Variants in RNASEH2B observed in about 807,000 individuals in gnomAD.
The protein encoded by RNASEH2B is ribonuclease H2 subunit B.
A neutral mutation model predicts 45.0 loss-of-function variants in RNASEH2B; 36 were observed. The ratio of observed to expected loss-of-function variants is 0.80; its 90% confidence interval spans 0.61 to 1.06. The LOEUF is 1.06. Among genes scored for constraint, RNASEH2B ranks in the 50% least tolerant of loss-of-function variants. The pLI is 0.00. For synonymous variants in RNASEH2B, 119 were observed against 125.7 expected (o/e 0.95, Z 0.35); for missense variants, 361 against 360.3 (o/e 1.00, Z -0.02).
At chr13:50,914,282 T>C (rs1879603820) in intron 1 of RNASEH2B, among the ~76,000 whole-genome samples, 1 of 152,226 alleles carries the variant, frequency 6.6e-6, no homozygotes, top group African/African-American at 2.4e-5. Flanking sequence ...TTTTGTTCTT[T>C]GTCAAAACGG....
Position 50,949,501 on chromosome 13 carries a change from C to T in RNASEH2B, c.737C>T (p.Ser246Leu). The change falls in exon 9 of 11, where the codon TCA becomes TTA. Residue 246 changes from serine (S) to leucine (L), a missense_variant. Ser to Leu is a moderately radical substitution (Grantham distance 145). Coordinates refer to ENST00000336617, the MANE Select transcript of RNASEH2B (RefSeq NM_024570.4). ...TCAGCCTCATTGCCAAATCCTCCAT[C>T]AAAGGTAAGAAGCTGTGACTAAGAT... ...EPSASLPNPP[S>L]KKIKLSDEPV... The T allele has an allele frequency of 6.2e-7, 1 of 1,613,058 alleles. No individual in the cohort carries two copies. The highest frequency in any genetic ancestry group is 8.5e-7 in the Non-Finnish European group (1 of 1,179,200).
At chr13:50,938,099 T>C (rs1436735056) in intron 5 of RNASEH2B, 1 of 152,252 alleles carries the variant, frequency 6.6e-6, no homozygotes, top group East Asian at 1.9e-4. Flanking sequence ...AAGTTCAATA[T>C]ACAAATATTA....
At chr13:50,954,134 A>G (rs1952012742) in intron 10 of RNASEH2B, 149 bp downstream of exon 10, 2 of 694,986 alleles carry the variant, frequency 2.9e-6, no homozygotes, top group Admixed American at 4.2e-5. Context: ...ATAATTAAGA[A>G]TTGCATATGA....
intron 5 of RNASEH2B, chr13:50,935,297 G>C (rs1364013972): frequency 4.9e-6 from 2 of 404,844 alleles, no homozygotes; most frequent in Non-Finnish European, 9.1e-6. Context: ...TCACTCAGCT[G>C]CCTTCTGCCT....
At chr13:50,942,996 C>T in intron 5 of RNASEH2B, 1 of 248,496 alleles carries the variant, frequency 4.0e-6, no homozygotes, top group East Asian at 1.2e-4. Context: ...CAGAATTTCC[C>T]TGCCTCCTGT....
rs138213208 is a variant in RNASEH2B, at chr13:50,943,471, T to C, written c.510+77T>C. The C allele has an allele frequency of 9.2e-4, 919 of 1,001,352 alleles. 3 individuals are homozygous for C. The highest frequency in any genetic ancestry group is 1.2e-3 in the Middle Eastern group (6 of 4,848). 62.0% of individuals were successfully genotyped at this position (1,001,352 alleles called of 1,614,324 possible). ...AGAAATTTTCAGAGAAGGCAGTAAG[T>C]CTGAATCCAGAGACCATCTTGTATA... On this transcript the variant is annotated intron_variant, in intron 6 of 10. Coordinates refer to ENST00000336617, the MANE Select transcript of RNASEH2B (RefSeq NM_024570.4).
intron 1 of RNASEH2B, chr13:50,915,175 C>T (rs944050515): frequency 3.4e-5 from 12 of 358,202 alleles, no homozygotes; most frequent in African/African-American, 1.7e-4. Context: ...ATTTACTGAA[C>T]GAATAAAAGT....
At chr13:50,934,006 G>A (rs1951714298) in intron 4 of RNASEH2B, 1 of 152,200 alleles carries the variant, frequency 6.6e-6, no homozygotes, top group South Asian at 2.1e-4. Flanking sequence ...TGCATTTGCA[G>A]AAATTGATCA....
intron 1 of RNASEH2B, chr13:50,913,012 G>A (rs78420257): frequency 6.6e-6 from 1 of 152,328 alleles, no homozygotes; most frequent in African/African-American, 2.4e-5. Flanking sequence ...TTTGTTTGGA[G>A]AAGCTGGCTA....
At chr13:50,961,882 G>C (rs984427825) in intron 9 of RNASEH2B, among the ~76,000 whole-genome samples, 1 of 152,046 alleles carries the variant, frequency 6.6e-6, no homozygotes, top group African/African-American at 2.4e-5. Context: ...AGTTCACTGA[G>C]AGTTTTTATC....
chr13:50,953,185 A>G (rs1951998311), intron 9 of RNASEH2B: 3 of 152,214 alleles, frequency 2.0e-5, no homozygotes, highest in Non-Finnish European at 2.9e-5. Context: ...TAAGTGTGGC[A>G]TGATTTCTTC....
At chr13:50,957,175 G>C (rs188477997), downstream of RNASEH2B, among the ~76,000 whole-genome samples, 66 of 151,354 alleles carry the variant, frequency 4.4e-4, 2 homozygotes, top group East Asian at 0.01. Flanking sequence ...GCTGAGGTTT[G>C]GGATGTAATT....
At chr13:50,948,305 G>C (rs1475859568) in intron 8 of RNASEH2B, 5 of 515,694 alleles carry the variant, frequency 9.7e-6, no homozygotes, top group Non-Finnish European at 1.6e-5. Context: ...GGCTTGGTCT[G>C]ATTTTAGAGG....
intron 1 of RNASEH2B, among the ~76,000 whole-genome samples, chr13:50,926,574 G>A (rs145017886): frequency 7.8e-4 from 118 of 152,102 alleles, no homozygotes; most frequent in African/African-American, 2.8e-3. Flanking sequence ...ATTTAAATTG[G>A]ATTTCCTCTT....
At chr13:50,949,364 T>C (rs1951946536) in intron 8 of RNASEH2B, 99 bp from the exon 9 acceptor site, 2 of 1,035,886 alleles carry the variant, frequency 1.9e-6, no homozygotes, top group East Asian at 2.4e-5. Context: ...AAGCTGTAAG[T>C]TGAAAAGTAG....
At chr13:50,918,380 G>A (rs533834596) in intron 1 of RNASEH2B, among the ~76,000 whole-genome samples, 1,937 of 152,184 alleles carry the variant, frequency 0.013, 33 homozygotes, top group African/African-American at 0.043. Flanking sequence ...GTCGTGATCC[G>A]CCCGCCTCGG....
intron 1 of RNASEH2B, among the ~76,000 whole-genome samples, chr13:50,919,036 T>A (rs968762356): frequency 6.6e-6 from 1 of 152,162 alleles, no homozygotes; most frequent in East Asian, 1.9e-4. Context: ...TTTCTCAGAG[T>A]TTATCTCCTG....
Position 50,945,482 on chromosome 13 carries a change from TACAGTCA to T in RNASEH2B, c.569_575del (p.Gln190LeufsTer24), listed in dbSNP as rs765643940. The T allele has an allele frequency of 6.2e-7, 1 of 1,613,078 alleles. No homozygotes were observed. Among genetic ancestry groups the T allele is most frequent in the East Asian group, 2.2e-5 (1 of 44,848 alleles). ...AATAATGTGAATGTCAGTTCCCGGGTACAGTCAACTGCATTTTTCTCTGGTGACCAAG... is the reference window on the plus strand; with the variant it reads ...AATAATGTGAATGTCAGTTCCCGGGTACTGCATTTTTCTCTGGTGACCAAG... On this transcript the variant is annotated frameshift_variant, in exon 7 of 11. Transcript: ENST00000336617. LOFTEE classifies it high-confidence loss of function.
chr13:50,953,675 C>G, intron 9 of RNASEH2B: 1 of 577,762 alleles, frequency 1.7e-6, no homozygotes, highest in East Asian at 2.9e-5. Flanking sequence ...CATGTACTTA[C>G]CCAATCATAT....
Sources: allele counts gnomAD v4.1 joint callset (sites outside exome capture counted in the v4.1 genomes callset), GRCh38; gene constraint gnomAD v4.1.1; transcripts MANE v1.5; gene names NCBI Gene and HGNC (gene_info 2026-07-23, HGNC 2026-07-21).